The following ITGBL1 variants were observed in gnomAD, a reference collection of about 807,000 sequenced individuals.
ITGBL1 encodes integrin subunit beta like 1.
A neutral mutation model predicts 68.5 loss-of-function variants in ITGBL1; 51 were observed. The observed-to-expected ratio is 0.74, with a 90% CI of 0.59 to 0.94. The LOEUF is 0.94. Among genes scored for constraint, ITGBL1 ranks in the 40% least tolerant of loss-of-function variants. ITGBL1 has a pLI of 0.00. For missense variants in ITGBL1, 649 were observed against 647.4 expected (o/e 1.00, Z -0.03); for synonymous variants, 209 against 227.3 (o/e 0.92, Z 0.72).
chr13:101,602,148 A>C (rs1373538699), intron 7 of ITGBL1, among the ~76,000 whole-genome samples: 2 of 152,120 alleles, frequency 1.3e-5, no homozygotes, highest in Non-Finnish European at 2.9e-5. Flanking sequence ...ACGTTTGCTT[A>C]AAGTTTTCTG....
chr13:101,532,188 C>A (rs1032724309), intron 2 of ITGBL1, among the ~76,000 whole-genome samples: 2 of 152,030 alleles, frequency 1.3e-5, no homozygotes, highest in African/African-American at 4.8e-5. Context: ...CATATGGTTG[C>A]TGTTGAATAA....
intron 2 of ITGBL1, among the ~76,000 whole-genome samples, chr13:101,551,915 A>G (rs748594837): frequency 3.3e-5 from 5 of 152,172 alleles, no homozygotes; most frequent in Non-Finnish European, 7.4e-5. Context: ...ATGTGGGGTG[A>G]TATAGCCCAT....
At chr13:101,486,980 T>TAC (rs1412739058) in intron 2 of ITGBL1, among the ~76,000 whole-genome samples, 1 of 152,218 alleles carries the variant, frequency 6.6e-6, no homozygotes, top group Non-Finnish European at 1.5e-5. Context: ...TGTAAATAAC[T>TAC]ACTTAAATAC....
chr13:101,494,919 C>T (rs1472877236), intron 2 of ITGBL1, among the ~76,000 whole-genome samples: 6 of 152,156 alleles, frequency 3.9e-5, no homozygotes, highest in African/African-American at 1.4e-4. Context: ...GGTTCTACAA[C>T]ACACCATGAT....
At position 101,605,832 on chromosome 13, in the gene ITGBL1, A is replaced by G. The variant is rs374328015; in HGVS notation, c.1015+7533A>G. Among the ~76,000 whole-genome samples, 8 of 151,078 alleles carry G rather than the reference A, an allele frequency of 5.3e-5. 1 individual carries two copies. Among genetic ancestry groups the G allele is most frequent in the Admixed American group, 3.3e-4 (5 of 15,076 alleles). ...TAGACATGTATGTGCATATGTGTATATATATGCATATACATATGTATGTGT... is the reference window on the plus strand; with the variant it reads ...TAGACATGTATGTGCATATGTGTATGTATATGCATATACATATGTATGTGT... On this transcript the variant is annotated intron_variant, in intron 7 of 10. Transcript: ENST00000376180.
intron 2 of ITGBL1, among the ~76,000 whole-genome samples, chr13:101,560,414 A>C (rs2050080431): frequency 1.3e-5 from 2 of 152,208 alleles, no homozygotes; most frequent in Non-Finnish European, 2.9e-5. Flanking sequence ...AGGCTGTAGC[A>C]GTGGTACACC....
chr13:101,625,895 C>A (rs1264196290), intron 7 of ITGBL1, among the ~76,000 whole-genome samples: 1 of 152,136 alleles, frequency 6.6e-6, no homozygotes, highest in Non-Finnish European at 1.5e-5. Flanking sequence ...ATGCGTTAGA[C>A]ACTGTTCTAA....
At chr13:101,483,158 A>G (rs1392758617) in intron 2 of ITGBL1, among the ~76,000 whole-genome samples, 1 of 152,150 alleles carries the variant, frequency 6.6e-6, no homozygotes, top group Non-Finnish European at 1.5e-5. Context: ...CAGTAGATAC[A>G]TATCATCACA....
chr13:101,644,625 T>C (rs544946890), intron 7 of ITGBL1, among the ~76,000 whole-genome samples: 3 of 152,204 alleles, frequency 2.0e-5, no homozygotes, highest in Admixed American at 6.5e-5. Context: ...CAGCAAATAC[T>C]TGAAAAGCAA....
At chr13:101,523,324 C>G (rs1183237125) in intron 2 of ITGBL1, among the ~76,000 whole-genome samples, 2 of 152,130 alleles carry the variant, frequency 1.3e-5, no homozygotes, top group African/African-American at 4.8e-5. Context: ...CCATGACTTC[C>G]TTTTTTGGCA....
intron 2 of ITGBL1, among the ~76,000 whole-genome samples, chr13:101,475,316 A>G (rs1401517087): frequency 6.6e-6 from 1 of 152,192 alleles, no homozygotes; most frequent in Non-Finnish European, 1.5e-5. Context: ...ATCAGTATCT[A>G]TCAACCACAG....
chr13:101,453,976 C>A lies in ITGBL1; in HGVS notation c.192C>A (p.His64Gln), dbSNP rs369150841. ...AGCCCCCGGGGGCCGCGCTGTGCCA[C>A]GGCCGGGGCCGCTGCGACTGCGGCG... ...PGQPPGAALC[H>Q]GRGRCDCGVC... The change falls in exon 2 of 11, where the codon CAC becomes CAA. Residue 64 changes from histidine to glutamine, a missense_variant. His to Gln is a conservative substitution (Grantham distance 24). Transcript: ENST00000376180. 2 of 1,529,954 alleles carry A rather than the reference C, an allele frequency of 1.3e-6. No homozygotes were observed. Among genetic ancestry groups the A allele is most frequent in the Non-Finnish European group, 8.8e-7 (1 of 1,136,116 alleles). The allele number at this position is 1,529,954 out of a possible 1,614,324, so 94.8% of individuals were successfully genotyped here. A position where few individuals can be genotyped will look rare whatever the true frequency, so the allele number is the denominator to read the frequency against.
chr13:101,525,667 C>G (rs868657157), intron 2 of ITGBL1, among the ~76,000 whole-genome samples: 121 of 151,908 alleles, frequency 8.0e-4, no homozygotes, highest in African/African-American at 2.8e-3. Flanking sequence ...CAAATACTTG[C>G]AATCAGTGAT....
At chr13:101,697,955 G>A (rs901652622) in intron 8 of ITGBL1, among the ~76,000 whole-genome samples, 1 of 152,206 alleles carries the variant, frequency 6.6e-6, no homozygotes, top group African/African-American at 2.4e-5. Flanking sequence ...GTACCTCGGG[G>A]AGGAAATTGC....
intron 8 of ITGBL1, among the ~76,000 whole-genome samples, chr13:101,700,971 C>T (rs962279917): frequency 5.3e-5 from 8 of 152,016 alleles, no homozygotes; most frequent in African/African-American, 1.2e-4. Flanking sequence ...CCTAGAAGAC[C>T]GTAATTACCA....
chr13:101,482,756 T>A (rs989056465), intron 2 of ITGBL1, among the ~76,000 whole-genome samples: 3 of 152,050 alleles, frequency 2.0e-5, no homozygotes, highest in African/African-American at 7.2e-5. Context: ...GGGGTCCGTA[T>A]AATAGAAAAC....
chr13:101,691,976 C>T (rs185256676), intron 7 of ITGBL1, among the ~76,000 whole-genome samples: 12 of 152,156 alleles, frequency 7.9e-5, no homozygotes, highest in Non-Finnish European at 1.5e-4. Flanking sequence ...GGTTCCCAAA[C>T]GATGAACCAA....
chr13:101,551,990 G>A (rs1179533285), intron 2 of ITGBL1, among the ~76,000 whole-genome samples: 2 of 152,104 alleles, frequency 1.3e-5, no homozygotes, highest in African/African-American at 4.8e-5. Flanking sequence ...ATATTTTCAT[G>A]GGAAGATATT....
At chr13:101,468,822 G>A (rs1191643431) in intron 2 of ITGBL1, among the ~76,000 whole-genome samples, 1 of 152,168 alleles carries the variant, frequency 6.6e-6, no homozygotes, top group Non-Finnish European at 1.5e-5. Flanking sequence ...TTGTCGTACT[G>A]ATAATGAGCA....
Sources: gnomAD v4.1 joint callset for allele counts (sites outside exome capture counted in the v4.1 genomes callset) on GRCh38, gnomAD v4.1.1 for gene constraint, MANE v1.5 for transcripts, NCBI Gene and HGNC (gene_info 2026-07-23, HGNC 2026-07-21) for gene names.